METAP1D: variants seen among roughly 807,000 people sequenced by gnomAD.
The protein encoded by METAP1D is methionyl aminopeptidase type 1D, mitochondrial.
METAP1D carries 31 observed loss-of-function variants against 40.5 expected under a neutral mutation model. The ratio of observed to expected loss-of-function variants is 0.77; its 90% CI spans 0.58 to 1.03. The LOEUF is 1.03. Among genes scored for constraint, METAP1D ranks in the 50% least tolerant of loss-of-function variants. The probability of loss-of-function intolerance (pLI) is 0.00; values close to 1 mark genes in which losing one functional copy is unlikely to be tolerated. For missense variants in METAP1D, 411 were observed against 420.7 expected, an observed-to-expected ratio of 0.98 and a Z score of 0.20; for synonymous variants, 151 against 146.4, an observed-to-expected ratio of 1.03 and a Z score of -0.22.
chr2:172,001,476 T>G (rs947153822), intron 1 of METAP1D, among the ~76,000 whole-genome samples: 9 of 151,754 alleles, frequency 5.9e-5, no homozygotes, highest in Non-Finnish European at 8.8e-5. Flanking sequence ...AGGTGGAGGT[T>G]GCAGTGAGCT....
At chr2:172,069,212 C>G (rs1574141536) in intron 5 of METAP1D, among the ~76,000 whole-genome samples, 1 of 151,870 alleles carries the variant, frequency 6.6e-6, no homozygotes. Context: ...CACCCAGCCT[C>G]AAGTAATCAT....
chr2:172,002,362 T>C (rs1688486658), intron 1 of METAP1D, among the ~76,000 whole-genome samples: 1 of 152,174 alleles, frequency 6.6e-6, no homozygotes, highest in African/African-American at 2.4e-5. Flanking sequence ...AAAACTGTGA[T>C]TACTTTGCAC....
intron 1 of METAP1D, among the ~76,000 whole-genome samples, chr2:172,000,412 GC>G (rs1688431408): frequency 6.6e-6 from 1 of 152,176 alleles, no homozygotes; most frequent in Non-Finnish European, 1.5e-5. Context: ...TTTTATGCAG[GC>G]ATGCTTTTTG....
At chr2:172,060,033 T>A (rs955179670) in intron 1 of METAP1D, among the ~76,000 whole-genome samples, 4 of 151,128 alleles carry the variant, frequency 2.6e-5, no homozygotes, top group African/African-American at 9.7e-5. Flanking sequence ...CCTGGGCGAC[T>A]GAGTGAGACT....
chr2:172,061,673 A>G lies in METAP1D; in HGVS notation c.198+18A>G. 6.4e-7 allele frequency: 1 copy of G among 1,559,864 alleles called. No individual in the cohort carries two copies. Among genetic ancestry groups the G allele is most frequent in the South Asian group, 1.2e-5 (1 of 81,920 alleles). ...TTCCTAAGGTACTGTATTGCCTATT[A>G]TCTCCTGCTTTTTCCAGCCAAGATA... is the stretch of plus-strand genomic sequence containing the variant. On this transcript the variant is annotated intron_variant, in intron 2 of 9. Transcript: ENST00000315796.
In METAP1D at chr2:172,009,758, G is replaced by C. The variant is rs562828676; in HGVS notation, c.40+9749G>C. Among the ~76,000 whole-genome samples the C allele has an allele frequency of 2.5e-3, 387 of 152,222 alleles. 1 individual carries two copies. Among genetic ancestry groups the C allele is most frequent in the South Asian group, 7.9e-3 (38 of 4,826 alleles). On this transcript the variant is annotated intron_variant, in intron 1 of 9. Transcript: ENST00000315796. Reference sequence around the variant, plus strand: ...CTGCTTGTGTGTTCTGAATGTATTGGAGAGGGAAAGCCATTGCAGTCAGTT... The same window carrying C: ...CTGCTTGTGTGTTCTGAATGTATTGCAGAGGGAAAGCCATTGCAGTCAGTT...
At chr2:172,041,975 AT>A (rs1356118073) in intron 1 of METAP1D, among the ~76,000 whole-genome samples, 1 of 120,644 alleles carries the variant, frequency 8.3e-6, no homozygotes, top group Non-Finnish European at 1.9e-5. Flanking sequence ...TAATTTTTGT[AT>A]TTTTAGTAGA....
chr2:172,040,020 T>G (rs1349399387), intron 1 of METAP1D, among the ~76,000 whole-genome samples: 1 of 150,696 alleles, frequency 6.6e-6, no homozygotes, highest in Admixed American at 6.6e-5. Context: ...AGTCTCGCCC[T>G]GTCGCCCAGG....
intron 1 of METAP1D, among the ~76,000 whole-genome samples, chr2:172,020,069 C>T (rs191188017): frequency 3.3e-5 from 5 of 152,222 alleles, no homozygotes; most frequent in Admixed American, 6.5e-5. Flanking sequence ...CTTGGCTTGT[C>T]GCAACCTCCC....
intron 1 of METAP1D, among the ~76,000 whole-genome samples, chr2:172,022,165 T>C (rs1241058207): frequency 2.0e-5 from 3 of 152,196 alleles, no homozygotes; most frequent in Non-Finnish European, 4.4e-5. Context: ...CTGATAAACA[T>C]GATCCCACCC....
At chr2:172,049,657 A>T (rs986625009) in intron 1 of METAP1D, among the ~76,000 whole-genome samples, 4 of 152,142 alleles carry the variant, frequency 2.6e-5, no homozygotes, top group African/African-American at 9.7e-5. Flanking sequence ...GCCTTCAGAA[A>T]ATTTGGAGCT....
At chr2:172,041,824 G>T in intron 1 of METAP1D, among the ~76,000 whole-genome samples, 2 of 90,054 alleles carry the variant, frequency 2.2e-5, no homozygotes, top group East Asian at 4.5e-4. Context: ...TTTTTAAGAT[G>T]GAGTCTTACT....
In METAP1D at chr2:172,063,865, C is replaced by A; in HGVS notation, c.348+5C>A. The stretch of plus-strand genomic sequence containing the variant: ...TTGGCTGGGAAGAGTTTAAAGGTGG[C>A]GTCTCACCAAGCCTCAGAACGACTT... On this transcript the variant is annotated splice_donor_5th_base_variant and intron_variant, in intron 3 of 9. Transcript: ENST00000315796. The A allele has an allele frequency of 1.2e-6, 2 of 1,604,096 alleles. No homozygotes were observed. Among genetic ancestry groups the A allele is most frequent in the South Asian group, 1.1e-5 (1 of 89,470 alleles).
chr2:172,033,860 G>A (rs903673027), intron 1 of METAP1D, among the ~76,000 whole-genome samples: 104 of 151,748 alleles, frequency 6.9e-4, no homozygotes, highest in African/African-American at 2.3e-3. Context: ...GGGGGATCAC[G>A]AGGTCAGGGA....
chr2:172,036,084 A>G (rs191428458), intron 1 of METAP1D, among the ~76,000 whole-genome samples: 1,636 of 152,044 alleles, frequency 0.011, 13 homozygotes, highest in Admixed American at 0.017. Flanking sequence ...TTGGGAGGCC[A>G]AGGTGGGCGG....
rs139762342 is a variant in METAP1D at position 172,007,165 on chromosome 2, A to AT, written c.40+7177dup. 4.1e-3 allele frequency among the ~76,000 whole-genome samples: 557 copies of AT among 134,292 alleles called. 7 individuals are homozygous for AT. The highest frequency in any genetic ancestry group is 0.033 in the East Asian group (143 of 4,322). The allele number at this position is 134,292 out of a possible 152,430, so 88.1% of individuals were successfully genotyped here. A position where few individuals can be genotyped will look rare whatever the true frequency, so the allele number is the denominator to read the frequency against. On this transcript the variant is annotated intron_variant, in intron 1 of 9. Transcript: ENST00000315796. ...TTCCTGCTGCTTCCCATGTCATGTA[A>AT]TTTTTTTTTTTTTTTTTTTTTAAGA...
chr2:172,017,234 T>TTG (rs1688888003), intron 1 of METAP1D, among the ~76,000 whole-genome samples: 3 of 73,446 alleles, frequency 4.1e-5, no homozygotes, highest in Admixed American at 1.8e-4. Context: ...ATGAAAGGTT[T>TTG]TACACACACA....
intron 1 of METAP1D, among the ~76,000 whole-genome samples, chr2:172,048,365 C>T (rs1470598977): frequency 6.6e-6 from 1 of 152,218 alleles, no homozygotes; most frequent in Non-Finnish European, 1.5e-5. Flanking sequence ...TTATTGAGTG[C>T]TTACCTTATG....
At chr2:172,026,911 G>A (rs1689131024) in intron 1 of METAP1D, among the ~76,000 whole-genome samples, 2 of 152,170 alleles carry the variant, frequency 1.3e-5, no homozygotes, top group Non-Finnish European at 2.9e-5. Context: ...TGTCCTGACA[G>A]CAAACATAAG....
Sources: gnomAD v4.1 joint callset for allele counts (sites outside exome capture counted in the v4.1 genomes callset) on GRCh38, gnomAD v4.1.1 for gene constraint, MANE v1.5 for transcripts, NCBI Gene and HGNC (gene_info 2026-07-23, HGNC 2026-07-21) for gene names.